The following MYO15B variants were observed in gnomAD, a reference collection of about 807,000 sequenced individuals.
MYO15B encodes myosin XVB.
Under a neutral mutation model 119.3 loss-of-function variants are expected in MYO15B, and 207 were observed. The observed-to-expected ratio is 1.73, with a 90% CI of 1.55 to 1.95. The LOEUF (loss-of-function observed/expected upper bound fraction) is 1.95. MYO15B is among the 30% of genes most tolerant of loss of function. MYO15B has a pLI of 0.00. For missense variants in MYO15B, 2,264 were observed against 1,203.1 expected (o/e 1.88, Z -13.04); for synonymous variants, 966 against 498.9 (o/e 1.94, Z -12.48).
rs1331992679 is a variant in MYO15B, at chr17:75,594,472, T to A, written c.2992-3T>A. The A allele has an allele frequency of 4.0e-5, 24 of 602,246 alleles. No homozygotes were observed. Among genetic ancestry groups the A allele is most frequent in the Non-Finnish European group, 6.8e-5 (23 of 336,302 alleles). 37.3% of individuals were successfully genotyped at this position (602,246 alleles called of 1,614,324 possible). A position where few individuals can be genotyped will look rare whatever the true frequency, so the allele number is the denominator to read the frequency against. Reference sequence around the variant, plus strand: ...ATCTCCCTGTCCCTCCCTCTCTGTGTAGCGAGAGTCCCAGGAGGTGGCTGC... The same window carrying A: ...ATCTCCCTGTCCCTCCCTCTCTGTGAAGCGAGAGTCCCAGGAGGTGGCTGC... On this transcript the variant is annotated splice_polypyrimidine_tract_variant and splice_region_variant and intron_variant, in intron 9 of 63. Coordinates refer to ENST00000645453, the Ensembl canonical transcript of MYO15B.
At chr17:75,599,532 A>G (rs1178317905) in intron 14 of MYO15B, among the ~76,000 whole-genome samples, 1 of 151,212 alleles carries the variant, frequency 6.6e-6, no homozygotes, top group Non-Finnish European at 1.5e-5. Context: ...TGAGCCACCC[A>G]CCTCAGCCTC....
rs778797597 is a variant in MYO15B at position 75,624,389 on chromosome 17, T to G, written c.8387T>G (p.Leu2796Arg). 5.6e-4 allele frequency: 394 copies of G among 702,538 alleles called. 2 individuals are homozygous for G. The Admixed American group carries it at 6.8e-3, about 12-fold the overall frequency. 43.5% of individuals were successfully genotyped at this position (702,538 alleles called of 1,614,324 possible). A position where few individuals can be genotyped will look rare whatever the true frequency, so the allele number is the denominator to read the frequency against. The change falls in exon 57 of 64, where the codon CTG becomes CGG. Residue 2796 changes from leucine to arginine, a missense_variant. Transcript: ENST00000645453. ...TGGCAGAAAGGACAAGCGATTCGCC[T>G]GCTTCTTATTCACCTGCCGGGGGGT...
At chr17:75,595,934 C>A (rs1355917536) in intron 12 of MYO15B, among the ~76,000 whole-genome samples, 1 of 152,232 alleles carries the variant, frequency 6.6e-6, no homozygotes, top group Non-Finnish European at 1.5e-5. Flanking sequence ...TGTTCTGTCC[C>A]ACAATCCAGT....
chr17:75,605,125 G>T (rs2057543993), intron 19 of MYO15B, among the ~76,000 whole-genome samples: 1 of 149,582 alleles, frequency 6.7e-6, no homozygotes, highest in Admixed American at 6.7e-5. Flanking sequence ...CAATGAGAAT[G>T]AAACTCTGTC....
At chr17:75,624,997 C>G in intron 59 of MYO15B, 81 bp downstream of exon 59, 1 of 679,010 alleles carries the variant, frequency 1.5e-6, no homozygotes. Flanking sequence ...CCCCTCTCCC[C>G]ACAAGGGTGT....
intron 14 of MYO15B, among the ~76,000 whole-genome samples, chr17:75,598,540 A>AAAAAAAAAAAAAG (rs1568134655): frequency 1.4e-5 from 2 of 142,952 alleles, no homozygotes; most frequent in African/African-American, 2.6e-5. Context: ...AAAAAAAAAA[A>AAAAAAAAAAAAAG]AAAAAAGAAA....
At position 75,616,791 on chromosome 17, in the gene MYO15B, C is replaced by G. The variant is rs2058399841; in HGVS notation, c.6506+6C>G. 1.4e-6 allele frequency: 1 copy of G among 703,002 alleles called. No individual in the cohort carries two copies. Among genetic ancestry groups the G allele is most frequent in the South Asian group, 1.5e-5 (1 of 67,600 alleles). The allele number at this position is 703,002 out of a possible 1,614,324, so 43.5% of individuals were successfully genotyped here. A position where few individuals can be genotyped will look rare whatever the true frequency, so the allele number is the denominator to read the frequency against. On this transcript the variant is annotated splice_donor_region_variant and intron_variant, in intron 39 of 63. Transcript: ENST00000645453. ...GTGCCCGTGCAGCCATCCAGGTGGGCCCCCACGGGGAGGTGGCCAGGGCTG... is the reference window on the plus strand; with the variant it reads ...GTGCCCGTGCAGCCATCCAGGTGGGGCCCCACGGGGAGGTGGCCAGGGCTG...
exon 58 of MYO15B, chr17:75,624,567 C>T (rs2058910701): frequency 4.3e-6 from 3 of 702,924 alleles, no homozygotes; most frequent in Non-Finnish European, 7.8e-6. Flanking sequence ...GCAGGAGGAG[C>T]TGTGCCGGCA....
intron 43 of MYO15B, 95 bp from the exon 44 acceptor site, chr17:75,619,048 G>A (rs767770316): frequency 2.6e-5 from 18 of 686,528 alleles, no homozygotes; most frequent in Non-Finnish European, 4.3e-5. Flanking sequence ...GCCCTCCATC[G>A]GCCTCCTCAG....
chr17:75,603,753 C>A (rs2057441215), intron 19 of MYO15B, among the ~76,000 whole-genome samples: 2 of 152,160 alleles, frequency 1.3e-5, no homozygotes, highest in Non-Finnish European at 2.9e-5. Context: ...CATGGAGCTG[C>A]CAGGAACCCC....
chr17:75,606,107 C>T, intron 21 of MYO15B, 86 bp downstream of exon 21: 1 of 601,680 alleles, frequency 1.7e-6, no homozygotes, highest in South Asian at 1.9e-5. Context: ...GTTGGGGAAA[C>T]ATAGGGCCTC....
chr17:75,609,485 A>ATTTTTTTTTTTTTTTTTTTT (rs749247022), intron 21 of MYO15B, among the ~76,000 whole-genome samples: 1 of 77,996 alleles, frequency 1.3e-5, no homozygotes, highest in African/African-American at 5.5e-5. Context: ...AAGGGAAATG[A>ATTTTTTTTTTTTTTTTTTTT]TTTTTTTTTT....
At chr17:75,615,378 G>A in intron 34 of MYO15B, 40 bp downstream of exon 34, 2 of 695,484 alleles carry the variant, frequency 2.9e-6, no homozygotes, top group South Asian at 3.0e-5. Flanking sequence ...CTTCTCAGGA[G>A]AGCAGCCACC....
intron 5 of MYO15B, 81 bp downstream of exon 5, chr17:75,591,793 G>A (rs2056471961): frequency 2.9e-6 from 2 of 697,730 alleles, no homozygotes; most frequent in East Asian, 2.7e-5. Flanking sequence ...ATGTCCAAGG[G>A]ACTATCTTTC....
chr17:75,616,493 CG>C, intron 38 of MYO15B, 30 bp from the exon 39 acceptor site: 2 of 689,916 alleles, frequency 2.9e-6, no homozygotes, highest in Admixed American at 2.0e-5. Context: ...GCTCTGCACG[CG>C]GTTAACAGTC....
intron 36 of MYO15B, 49 bp downstream of exon 36, chr17:75,615,933 C>T (rs529799804): frequency 5.0e-5 from 31 of 618,754 alleles, no homozygotes; most frequent in Admixed American, 2.1e-4. Flanking sequence ...GTGGGGACTG[C>T]AGGGGCAGGG....
At chr17:75,616,776 A>G (rs947616979) in exon 39 of MYO15B, 2 of 703,046 alleles carry the variant, frequency 2.8e-6, no homozygotes, top group Middle Eastern at 2.3e-4. Flanking sequence ...GTGCCCGTGC[A>G]GCCATCCAGG....
chr17:75,591,026 T>C lies in MYO15B; in HGVS notation c.2360+10T>C. On this transcript the variant is annotated intron_variant, in intron 3 of 63. Coordinates refer to ENST00000645453, the Ensembl canonical transcript of MYO15B. ...CCCTCAGCACCACTCCGTATGTGAC[T>C]CTGCCCCACTGACCCTCTGCTCACC... 1 of 635,504 alleles carries C rather than the reference T, an allele frequency of 1.6e-6. No individual in the cohort carries two copies. Among genetic ancestry groups the C allele is most frequent in the Non-Finnish European group, 2.8e-6 (1 of 351,888 alleles). 39.4% of individuals were successfully genotyped at this position (635,504 alleles called of 1,614,324 possible).
At position 75,589,259 on chromosome 17, in the gene MYO15B, G is replaced by A; in HGVS notation, c.1202G>A (p.Arg401Gln). 5.0e-6 allele frequency: 2 copies of A among 398,524 alleles called. No individual in the cohort carries two copies. Among genetic ancestry groups the A allele is most frequent in the Non-Finnish European group, 8.8e-6 (2 of 226,338 alleles). The allele number at this position is 398,524 out of a possible 1,614,324, so 24.7% of individuals were successfully genotyped here. The change falls in exon 1 of 64, where the codon CGG (arginine) becomes CAG (glutamine). Residue 401 changes from arginine (R) to glutamine (Q), a missense_variant. Coordinates refer to ENST00000645453, the Ensembl canonical transcript of MYO15B. The surrounding 1 kb of genome is among the most constrained non-coding windows in gnomAD (Gnocchi z 4.2). Reference sequence around the variant, plus strand: ...GGCGAGGGGCAGGGTACCGGGCCACGGGCGAGCGAGGGGTGGGGCCGCCGG... The same window carrying A: ...GGCGAGGGGCAGGGTACCGGGCCACAGGCGAGCGAGGGGTGGGGCCGCCGG...
Sources: gnomAD v4.1 joint callset for allele counts (sites outside exome capture counted in the v4.1 genomes callset) on GRCh38, gnomAD v4.1.1 for gene constraint, Gnocchi (gnomAD v3.1) non-coding constraint, MANE v1.5 for transcripts, NCBI Gene and HGNC (gene_info 2026-07-23, HGNC 2026-07-21) for gene names.